RAB11FIP3: variants seen among roughly 807,000 people sequenced by gnomAD.
The protein encoded by RAB11FIP3 is rab11 family-interacting protein 3.
RAB11FIP3 carries 17 observed loss-of-function variants against 77.8 expected under a neutral mutation model. The ratio of observed to expected loss-of-function variants is 0.22; its 90% confidence interval spans 0.15 to 0.33. The LOEUF is 0.33. RAB11FIP3 is among the 10% of genes least tolerant of loss of function. The pLI, the probability that RAB11FIP3 is intolerant of heterozygous loss-of-function variation, is 1.00. For missense variants in RAB11FIP3, 1,005 were observed against 1,011.2 expected (o/e 0.99, Z 0.08); for synonymous variants, 437 against 448.2 (o/e 0.98, Z 0.31).
Position 426,355 on chromosome 16 carries a change from C to CCAG in RAB11FIP3, c.350_352dup (p.Pro117_Glu118insAla), listed in dbSNP as rs1567348761. On this transcript the variant is annotated inframe_insertion, in exon 1 of 14. Transcript: ENST00000262305. The surrounding 1 kb of genome is among the most constrained non-coding windows in gnomAD (Gnocchi z 5.0). ...AGGGCCGCGCTCCGAAGCGCCGCTT[C>CCAG]CAGAACTCGACCCGTTGTTCTCCTG... 6.5e-7 allele frequency: 1 copy of CCAG among 1,526,790 alleles called. No homozygotes were observed. The highest frequency in any genetic ancestry group is 1.2e-5 in the South Asian group (1 of 82,128). 94.6% of individuals were successfully genotyped at this position (1,526,790 alleles called of 1,614,324 possible).
intron 1 of RAB11FIP3, among the ~76,000 whole-genome samples, chr16:432,047 G>A (rs2055046189): frequency 6.6e-6 from 1 of 152,080 alleles, no homozygotes; most frequent in Non-Finnish European, 1.5e-5. Flanking sequence ...ATGAGCTATG[G>A]CGCCCAGTGA....
chr16:466,847 T>C (rs2055709098), intron 2 of RAB11FIP3, among the ~76,000 whole-genome samples: 1 of 152,174 alleles, frequency 6.6e-6, no homozygotes, highest in Admixed American at 6.5e-5. Context: ...CTGGGAGGGC[T>C]CCTGCGCCTG....
At chr16:458,329 G>T (rs1484828259) in intron 1 of RAB11FIP3, among the ~76,000 whole-genome samples, 1 of 152,014 alleles carries the variant, frequency 6.6e-6, no homozygotes, top group African/African-American at 2.4e-5. Flanking sequence ...CAGCAGGGCT[G>T]CCCTTGAGGG....
chr16:435,473 G>C (rs1406801404), intron 1 of RAB11FIP3, among the ~76,000 whole-genome samples: 2 of 152,188 alleles, frequency 1.3e-5, no homozygotes, highest in Non-Finnish European at 2.9e-5. Context: ...AATTTACTTA[G>C]ATTAGCACTT....
At position 522,269 on chromosome 16, in the gene RAB11FIP3, T is replaced by C. The variant is rs2032735675; in HGVS notation, c.*1430T>C. 2.0e-5 allele frequency: 3 copies of C among 147,368 alleles called. No homozygotes were observed. In the South Asian group the frequency reaches 6.3e-4, roughly 31 times the overall value. The allele number at this position is 147,368 out of a possible 1,614,324, so 9.1% of individuals were successfully genotyped here. On this transcript the variant is annotated 3_prime_UTR_variant, in exon 14 of 14. Transcript: ENST00000262305. ...AAATATATATATATATATATATATA[T>C]ATATGTATAATATATAAAGACTGGC...
intron 8 of RAB11FIP3, among the ~76,000 whole-genome samples, chr16:509,975 A>G: frequency 6.6e-6 from 1 of 151,942 alleles, no homozygotes; most frequent in African/African-American, 2.4e-5. Context: ...CTCATCAGAC[A>G]CTCACTTCCT....
intron 5 of RAB11FIP3, among the ~76,000 whole-genome samples, chr16:490,837 A>G (rs377693697): frequency 3.3e-5 from 5 of 152,310 alleles, no homozygotes; most frequent in Non-Finnish European, 7.4e-5. Flanking sequence ...TTTGCTTTGC[A>G]AGGAGGCTCT....
intron 1 of RAB11FIP3, among the ~76,000 whole-genome samples, chr16:438,428 C>CA (rs1231740769): frequency 9.6e-6 from 1 of 104,190 alleles, no homozygotes; most frequent in Admixed American, 1.1e-4. Context: ...TTTTTTGAGA[C>CA]AGAGTCTTGT....
At chr16:451,836 AAAAC>A (rs986797717) in intron 1 of RAB11FIP3, among the ~76,000 whole-genome samples, 13 of 151,826 alleles carry the variant, frequency 8.6e-5, no homozygotes, top group African/African-American at 1.5e-4. Context: ...CTCTCTCTCA[AAAAC>A]AAACAAAGGA....
chr16:492,307 A>G (rs1433760646), intron 5 of RAB11FIP3, among the ~76,000 whole-genome samples: 1 of 139,674 alleles, frequency 7.2e-6, no homozygotes, highest in Non-Finnish European at 1.5e-5. Flanking sequence ...ATTCTGGAGC[A>G]TCGGGGGTCT....
intron 5 of RAB11FIP3, among the ~76,000 whole-genome samples, chr16:495,476 T>G (rs971481925): frequency 2.6e-5 from 4 of 152,218 alleles, no homozygotes; most frequent in African/African-American, 9.6e-5. Context: ...GGGAAGCCCC[T>G]GGCTCTGGCT....
intron 1 of RAB11FIP3, among the ~76,000 whole-genome samples, chr16:449,080 G>T (rs2055365293): frequency 6.6e-6 from 1 of 152,276 alleles, no homozygotes; most frequent in Admixed American, 6.5e-5. Flanking sequence ...ACTCTACACA[G>T]TAGAGTCCTC....
intron 1 of RAB11FIP3, among the ~76,000 whole-genome samples, chr16:444,917 A>C (rs564392752): frequency 6.6e-6 from 1 of 151,754 alleles, no homozygotes; most frequent in African/African-American, 2.4e-5. Context: ...GACCGAGCCC[A>C]TGCTGGCTAA....
At chr16:457,883 T>TCTTAGGAATGAG in intron 1 of RAB11FIP3, among the ~76,000 whole-genome samples, 1 of 152,302 alleles carries the variant, frequency 6.6e-6, no homozygotes, top group South Asian at 2.1e-4. Flanking sequence ...ACTCTCACAT[T>TCTTAGGAATGAG]CTTAGGAATG....
chr16:511,084 A>C (rs1345000327), intron 9 of RAB11FIP3, among the ~76,000 whole-genome samples: 2 of 116,552 alleles, frequency 1.7e-5, no homozygotes. Flanking sequence ...CAGAACCTGC[A>C]GGCCAGGTAG....
In RAB11FIP3 at chr16:474,735, C is replaced by T. The variant is rs1411844666; in HGVS notation, c.903+3346C>T. On this transcript the variant is annotated intron_variant, in intron 3 of 13. Coordinates refer to ENST00000262305, the MANE Select transcript of RAB11FIP3 (RefSeq NM_014700.4). Reference sequence around the variant, plus strand: ...TGCAAACCATTATCAGCTTAGGAAGCCAAAAACAAAAGCCACTCTGTTTTC... The same window carrying T: ...TGCAAACCATTATCAGCTTAGGAAGTCAAAAACAAAAGCCACTCTGTTTTC... The T allele has an allele frequency of 4.3e-6, 5 of 1,165,346 alleles. No individual in the cohort carries two copies. In the African/African-American group the frequency reaches 7.8e-5, roughly 18 times the overall value. 72.2% of individuals were successfully genotyped at this position (1,165,346 alleles called of 1,614,324 possible).
intron 6 of RAB11FIP3, chr16:497,370 C>G: frequency 7.7e-7 from 1 of 1,301,116 alleles, no homozygotes; most frequent in Non-Finnish European, 1.0e-6. Context: ...CAGTTCTTAC[C>G]GAAATAAACA....
Position 520,330 on chromosome 16 carries a change from A to G in RAB11FIP3, c.2016+53A>G, listed in dbSNP as rs557057411. The G allele has an allele frequency of 4.0e-4, 630 of 1,559,256 alleles. 5 individuals are homozygous for G. In the African/African-American group the frequency reaches 7.5e-3, roughly 19 times the overall value. On this transcript the variant is annotated intron_variant, in intron 12 of 13. Transcript: ENST00000262305. The stretch of plus-strand genomic sequence containing the variant: ...ACACTCCTGCAGAAGCTTCCACAAG[A>G]CTGGTTGGGAAGGGGGGGCCGTGGA...
rs2031832933 is a variant in RAB11FIP3, at chr16:505,648, C to T, written c.1499+21C>T. ...CACAGGTGAGCCTGGGCCAGGAGACCCGGGCCTCTGCGTGGCGCCTCCTGT... is the reference window on the plus strand; with the variant it reads ...CACAGGTGAGCCTGGGCCAGGAGACTCGGGCCTCTGCGTGGCGCCTCCTGT... On this transcript the variant is annotated intron_variant, in intron 8 of 13. Transcript: ENST00000262305. This position sits in a 1 kb window ranked among gnomAD's most constrained non-coding sequence, Gnocchi z 4.0. 6.4e-7 allele frequency: 1 copy of T among 1,565,482 alleles called. No individual in the cohort carries two copies. Among genetic ancestry groups the T allele is most frequent in the Non-Finnish European group, 8.6e-7 (1 of 1,160,704 alleles).
Sources: gnomAD v4.1 joint callset for allele counts (sites outside exome capture counted in the v4.1 genomes callset) on GRCh38, gnomAD v4.1.1 for gene constraint, Gnocchi (gnomAD v3.1) non-coding constraint, MANE v1.5 for transcripts, NCBI Gene and HGNC (gene_info 2026-07-23, HGNC 2026-07-21) for gene names.